Variants in MASP1 observed in about 807,000 individuals in gnomAD.
The protein encoded by MASP1 is mannan-binding lectin serine protease 1.
A neutral mutation model predicts 77.1 loss-of-function variants in MASP1; 59 were observed. That is an observed-to-expected ratio of 0.77 (90% confidence interval 0.62 to 0.95). The LOEUF (loss-of-function observed/expected upper bound fraction) is 0.95, where lower values mean the gene tolerates loss of function less well. MASP1 is among the 40% of genes least tolerant of loss of function. MASP1 has a pLI of 0.00. For missense variants in MASP1, 885 were observed against 912.9 expected, an observed-to-expected ratio of 0.97 and a Z score of 0.39; for synonymous variants, 362 against 354.5, an observed-to-expected ratio of 1.02 and a Z score of -0.24.
At chr3:187,258,221 C>A (rs1715262289) in intron 4 of MASP1, among the ~76,000 whole-genome samples, 3 of 152,192 alleles carry the variant, frequency 2.0e-5, no homozygotes, top group African/African-American at 7.2e-5. Flanking sequence ...CCTGTTCCAC[C>A]AGCCATAACT....
downstream of MASP1, chr3:187,229,942 C>T (rs1170616195): frequency 2.5e-6 from 4 of 1,608,672 alleles, no homozygotes; most frequent in African/African-American, 5.3e-5. Context: ...ACTCTGGGCT[C>T]CATCTTGCCC....
downstream of MASP1, among the ~76,000 whole-genome samples, chr3:187,231,020 G>A (rs913551647): frequency 6.6e-6 from 1 of 152,182 alleles, no homozygotes; most frequent in African/African-American, 2.4e-5. Context: ...TGCAGCCTCA[G>A]CATCTCCCAG....
chr3:187,220,328 G>A, intron 15 of MASP1: 5 of 1,430,406 alleles, frequency 3.5e-6, no homozygotes, highest in South Asian at 2.4e-5. Context: ...CTTCTCCCAT[G>A]TATGGGTTGT....
chr3:187,252,776 A>T (rs1384221402), intron 6 of MASP1, among the ~76,000 whole-genome samples: 1 of 152,164 alleles, frequency 6.6e-6, no homozygotes, highest in Non-Finnish European at 1.5e-5. Flanking sequence ...ATAATGAAAC[A>T]TTCTGGGCTA....
intron 9 of MASP1, 68 bp from the exon 10 acceptor site, chr3:187,241,623 T>A (rs1381563655): frequency 9.7e-7 from 1 of 1,034,248 alleles, no homozygotes; most frequent in African/African-American, 1.6e-5. Context: ...GGAAAATAGA[T>A]CTGGGTATTT....
intron 8 of MASP1, among the ~76,000 whole-genome samples, chr3:187,249,997 T>C: frequency 6.6e-6 from 1 of 152,206 alleles, no homozygotes; most frequent in East Asian, 1.9e-4. Flanking sequence ...TGGCAACCCA[T>C]CCGTGGGCTG....
At chr3:187,233,649 C>T (rs1712902736), downstream of MASP1, among the ~76,000 whole-genome samples, 1 of 152,220 alleles carries the variant, frequency 6.6e-6, no homozygotes, top group South Asian at 2.1e-4. Context: ...GCTGTAGTTG[C>T]CTTAGCAGGA....
intron 6 of MASP1, 49 bp from the exon 7 acceptor site, chr3:187,251,801 A>C (rs377303164): frequency 5.6e-6 from 8 of 1,422,918 alleles, no homozygotes; most frequent in African/African-American, 1.4e-5. Context: ...GAGAATTCTG[A>C]CCTTAAAGGG....
At chr3:187,265,865 G>A (rs1436717959) in intron 2 of MASP1, among the ~76,000 whole-genome samples, 1 of 152,202 alleles carries the variant, frequency 6.6e-6, no homozygotes, top group Non-Finnish European at 1.5e-5. Context: ...TGGGTGCATG[G>A]ACTGTCTCTT....
chr3:187,277,171 T>G (rs570914040), intron 2 of MASP1, among the ~76,000 whole-genome samples: 46 of 152,292 alleles, frequency 3.0e-4, no homozygotes, highest in Middle Eastern at 3.4e-3. Flanking sequence ...AAGACGTGAC[T>G]TGCCCAAGCT....
exon 16 of MASP1, chr3:187,220,038 A>G (rs1399874724): frequency 6.2e-7 from 1 of 1,609,432 alleles, no homozygotes. Context: ...CTGACTGCCC[A>G]CAGCTGGTGG....
intron 13 of MASP1, among the ~76,000 whole-genome samples, chr3:187,224,389 C>T (rs957733118): frequency 6.8e-6 from 1 of 146,706 alleles, no homozygotes; most frequent in African/African-American, 2.5e-5. Context: ...CTCTGTCGCC[C>T]AGGCTGGAGT....
chr3:187,247,136 A>G, intron 8 of MASP1: 1 of 1,456,508 alleles, frequency 6.9e-7, no homozygotes, highest in Non-Finnish European at 9.0e-7. Flanking sequence ...ATGATGGGCA[A>G]ACCCTCAAGT....
chr3:187,256,708 T>C lies in MASP1; in HGVS notation c.700A>G (p.Ile234Val). 1.9e-6 allele frequency: 3 copies of C among 1,613,968 alleles called. No individual in the cohort carries two copies. The highest frequency in any genetic ancestry group is 2.5e-6 in the Non-Finnish European group (3 of 1,180,016). The change falls in exon 5 of 11, where the codon ATT (isoleucine) becomes GTT (valine). Residue 234 changes from isoleucine to valine, a missense_variant. Transcript: ENST00000296280. The stretch of plus-strand genomic sequence containing the variant: ...CAGGGCACCTCAGGATGGTCCTCAA[T>C]GTCAAATATGTCCTCAAACTGCAGG... ...VNLQFEDIFDIEDHPEVPCPY... is the reference protein window; with the variant it reads ...VNLQFEDIFDVEDHPEVPCPY...
intron 2 of MASP1, among the ~76,000 whole-genome samples, chr3:187,278,618 A>G (rs544866027): frequency 4.2e-4 from 64 of 152,336 alleles, no homozygotes; most frequent in African/African-American, 1.4e-3. Context: ...TTCTAAATCT[A>G]CACATCTTCA....
At position 187,253,442 on chromosome 3, in the gene MASP1, T is replaced by C; in HGVS notation, c.745-127A>G. On this transcript the variant is annotated intron_variant, in intron 5 of 10. Coordinates refer to ENST00000296280, the MANE Select transcript of MASP1 (RefSeq NM_139125.4). ...GAAGCTTCCATATGAACCCTTGGTA[T>C]TCACTTAGGTTTTTAGTGAGCCTTA... 1.7e-5 allele frequency: 16 copies of C among 916,938 alleles called. 1 individual carries two copies. Among genetic ancestry groups the C allele is most frequent in the South Asian group, 1.5e-4 (11 of 75,572 alleles). 56.8% of individuals were successfully genotyped at this position (916,938 alleles called of 1,614,324 possible). A position where few individuals can be genotyped will look rare whatever the true frequency, so the allele number is the denominator to read the frequency against.
intron 2 of MASP1, among the ~76,000 whole-genome samples, chr3:187,276,990 T>C (rs555385221): frequency 6.6e-6 from 1 of 152,204 alleles, no homozygotes; most frequent in Admixed American, 6.5e-5. Context: ...AGAGTCCCAC[T>C]TGGGAGCGAC....
At chr3:187,256,891 A>G (rs774073925) in intron 4 of MASP1, 31 bp from the exon 5 acceptor site, 5 of 1,595,472 alleles carry the variant, frequency 3.1e-6, no homozygotes, top group South Asian at 2.2e-5. Flanking sequence ...AAAATGGCGC[A>G]TCGCAACCAC....
At chr3:187,220,141 C>T (rs759139865) in exon 16 of MASP1, 11 of 1,614,048 alleles carry the variant, frequency 6.8e-6, no homozygotes, top group South Asian at 3.3e-5. Flanking sequence ...TACTCCGTAG[C>T]GGTCCTTCTT....
Sources: gnomAD v4.1 joint callset for allele counts (sites outside exome capture counted in the v4.1 genomes callset) on GRCh38, gnomAD v4.1.1 for gene constraint, MANE v1.5 for transcripts, NCBI Gene and HGNC (gene_info 2026-07-23, HGNC 2026-07-21) for gene names.